Variants in EDA observed in about 807,000 individuals in gnomAD.
EDA encodes the protein ectodysplasin-A.
Under a neutral mutation model 23.6 loss-of-function variants are expected in EDA, and 2 were observed. That is an observed-to-expected ratio of 0.08 (90% CI 0.03 to 0.27). The LOEUF (loss-of-function observed/expected upper bound fraction) is 0.27. EDA is among the 10% of genes least tolerant of loss of function. The probability of loss-of-function intolerance (pLI) is 1.00; values close to 1 mark genes in which losing one functional copy is unlikely to be tolerated. For synonymous variants in EDA, 131 were observed against 132.0 expected, an observed-to-expected ratio of 0.99 and a Z score of 0.05; for missense variants, 229 against 324.2, an observed-to-expected ratio of 0.71 and a Z score of 2.26.
At chrX:69,790,186 C>T (rs1185549387) in intron 1 of EDA, among the ~76,000 whole-genome samples, 2 of 110,232 alleles carry the variant, frequency 1.8e-5, no homozygotes, top group Non-Finnish European at 3.8e-5. Flanking sequence ...ATGAGAAGAC[C>T]CCTTAAAGTC....
intron 1 of EDA, among the ~76,000 whole-genome samples, chrX:69,718,885 T>C (rs2012457128): frequency 2.7e-5 from 3 of 112,085 alleles, no homozygotes; most frequent in African/African-American, 9.7e-5. Context: ...TGTTAATTCC[T>C]CTTTAATGAT....
chrX:69,757,743 C>T (rs2014169636), intron 1 of EDA, among the ~76,000 whole-genome samples: 1 of 111,748 alleles, frequency 8.9e-6, no homozygotes, highest in African/African-American at 3.3e-5. Flanking sequence ...TTTAATAATC[C>T]AAATTTTAAT....
intron 1 of EDA, among the ~76,000 whole-genome samples, chrX:69,838,851 A>T (rs928366797): frequency 2.7e-5 from 3 of 111,780 alleles, no homozygotes; most frequent in Admixed American, 1.9e-4. Context: ...TGACTTTCAG[A>T]TTATCAGAAC....
At chrX:69,856,863 C>T (rs751604545) in intron 1 of EDA, among the ~76,000 whole-genome samples, 1 of 111,732 alleles carries the variant, frequency 8.9e-6, no homozygotes, top group Non-Finnish European at 1.9e-5. Flanking sequence ...TCCAAAAGCT[C>T]TTTAGTTTAA....
chrX:69,785,397 T>A (rs2015122657), intron 1 of EDA, among the ~76,000 whole-genome samples: 1 of 88,081 alleles, frequency 1.1e-5, no homozygotes, highest in South Asian at 5.1e-4. Flanking sequence ...GCTTCCAGTT[T>A]TTGCCCATTC....
intron 1 of EDA, among the ~76,000 whole-genome samples, chrX:69,880,274 T>C (rs1457663948): frequency 8.9e-6 from 1 of 112,166 alleles, no homozygotes; most frequent in Non-Finnish European, 1.9e-5. Flanking sequence ...AGAATGTTTC[T>C]ACCCGTCTCT....
intron 1 of EDA, among the ~76,000 whole-genome samples, chrX:69,668,308 A>G (rs933945414): frequency 4.5e-5 from 5 of 111,738 alleles, no homozygotes; most frequent in Admixed American, 9.5e-5. Context: ...TTTTATAATT[A>G]TGGTCTAAAG....
chrX:69,941,871 C>T (rs139751140), intron 1 of EDA, among the ~76,000 whole-genome samples: 424 of 111,384 alleles, frequency 3.8e-3, no homozygotes, highest in Non-Finnish European at 5.8e-3. Context: ...TTCTTCCTGT[C>T]TTCCTTCTAG....
chrX:69,952,856 GC>G (rs1198694438), intron 1 of EDA, among the ~76,000 whole-genome samples: 2 of 112,196 alleles, frequency 1.8e-5, no homozygotes, highest in Non-Finnish European at 3.8e-5. Context: ...AGGTGCTAGG[GC>G]CCCTGCCAGA....
chrX:69,727,818 A>T (rs1015637616), intron 1 of EDA, among the ~76,000 whole-genome samples: 1 of 111,858 alleles, frequency 8.9e-6, no homozygotes, highest in African/African-American at 3.3e-5. Flanking sequence ...AAGAATTTGT[A>T]TTTTGTGCTT....
At chrX:69,701,644 G>C (rs2011536766) in intron 1 of EDA, among the ~76,000 whole-genome samples, 1 of 111,925 alleles carries the variant, frequency 8.9e-6, no homozygotes, top group South Asian at 3.7e-4. Flanking sequence ...ATTGGGAGAT[G>C]AACTGAAGGT....
chrX:69,712,209 G>T (rs1462229035), intron 1 of EDA, among the ~76,000 whole-genome samples: 5 of 110,448 alleles, frequency 4.5e-5, no homozygotes, highest in Non-Finnish European at 9.5e-5. Flanking sequence ...TGTTCTCGTT[G>T]GTTTCAAAGA....
intron 1 of EDA, among the ~76,000 whole-genome samples, chrX:69,621,698 T>G (rs1453817637): frequency 8.9e-6 from 1 of 111,933 alleles, no homozygotes. Flanking sequence ...ACTGTTTTCG[T>G]GACATCCATT....
intron 1 of EDA, among the ~76,000 whole-genome samples, chrX:69,672,877 G>A (rs1382489392): frequency 3.2e-5 from 3 of 93,653 alleles, no homozygotes; most frequent in East Asian, 6.4e-4. Context: ...GTGAGACAAC[G>A]TCTCAAAAAA....
chrX:69,873,153 T>A (rs2017592020), intron 1 of EDA, among the ~76,000 whole-genome samples: 1 of 111,917 alleles, frequency 8.9e-6, no homozygotes, highest in African/African-American at 3.2e-5. Flanking sequence ...GATCATTGGG[T>A]TAAGAACGAA....
intron 6 of EDA, 32 bp from the exon 7 acceptor site, chrX:70,033,366 G>A: frequency 8.3e-7 from 1 of 1,210,827 alleles, no homozygotes. Flanking sequence ...ATTCTGACAT[G>A]TACTGAGTGA....
intron 1 of EDA, among the ~76,000 whole-genome samples, chrX:69,849,082 T>TAC (rs370800783): frequency 0.013 from 759 of 56,978 alleles, 8 homozygotes; most frequent in African/African-American, 0.032. Context: ...AAAGTCTATA[T>TAC]ACACACACAC....
chrX:69,673,877 C>G (rs1463403449), intron 1 of EDA, among the ~76,000 whole-genome samples: 1 of 111,456 alleles, frequency 9.0e-6, no homozygotes, highest in Non-Finnish European at 1.9e-5. Context: ...ATTAAATTAG[C>G]TGTTGCAGTA....
At chrX:70,035,209 G>A in intron 7 of EDA, 149 bp from the exon 8 acceptor site, 8 of 654,624 alleles carry the variant, frequency 1.2e-5, no homozygotes, top group Non-Finnish European at 1.6e-5. Context: ...TTTCCTGTTG[G>A]CCAGCTAGCA....
Sources: gnomAD v4.1 joint callset for allele counts (sites outside exome capture counted in the v4.1 genomes callset) on GRCh38, gnomAD v4.1.1 for gene constraint, MANE v1.5 for transcripts, NCBI Gene and HGNC (gene_info 2026-07-23, HGNC 2026-07-21) for gene names.